TIPIN: variants seen among roughly 807,000 people sequenced by gnomAD.
The protein encoded by TIPIN is TIMELESS-interacting protein.
TIPIN carries 29 observed loss-of-function variants against 35.6 expected under a neutral mutation model. The ratio of observed to expected loss-of-function variants is 0.82; its 90% CI spans 0.61 to 1.11. The LOEUF is 1.11. Among genes scored for constraint, TIPIN ranks in the 50% most tolerant of loss-of-function variants. TIPIN has a pLI of 0.00. For missense variants in TIPIN, 296 were observed against 345.4 expected (o/e 0.86, Z 1.13); for synonymous variants, 102 against 121.5 (o/e 0.84, Z 1.06).
In TIPIN at chr15:66,341,353, T is replaced by G; in HGVS notation, c.479A>C (p.Glu160Ala). 1 of 1,610,056 alleles carries G rather than the reference T, an allele frequency of 6.2e-7. No homozygotes were observed. The highest frequency in any genetic ancestry group is 8.5e-7 in the Non-Finnish European group (1 of 1,177,840). Residue 160 changes from glutamate to alanine, a missense_variant, in exon 7 of 8, where the codon GAA becomes GCA. By Grantham distance (107) the Glu-to-Ala change is moderately radical (BLOSUM62 -1). Coordinates refer to ENST00000261881, the MANE Select transcript of TIPIN (RefSeq NM_017858.3). ...LHEDFVSNNDEVAENNEHDVT... is the reference protein window; with the variant it reads ...LHEDFVSNNDAVAENNEHDVT... The stretch of plus-strand genomic sequence containing the variant: ...ATCATGTTCATTATTCTCCGCAACT[T>G]CATCTGCAATAGAAAAGAAATAGTA...
rs180838448 is a variant in TIPIN at position 66,368,283 on chromosome 15, G to T, written c.-8-15328C>A. On this transcript the variant is annotated intron_variant, in intron 1 of 7. Transcript: ENST00000562124. The stretch of plus-strand genomic sequence containing the variant: ...GCCTATAATCCCAGCACTTTGGGAG[G>T]CCAAGGAGGGAGGATCACTTGAGTT... Among the ~76,000 whole-genome samples, 179 of 151,952 alleles carry T rather than the reference G, an allele frequency of 1.2e-3. 1 individual carries two copies. The highest frequency in any genetic ancestry group is 1.9e-3 in the Non-Finnish European group (130 of 67,988).
chr15:66,368,930 C>A lies in TIPIN; in HGVS notation c.-8-15975G>T, dbSNP rs2093267801. Among the ~76,000 whole-genome samples the A allele has an allele frequency of 2.6e-5, 4 of 152,284 alleles. No individual in the cohort carries two copies. The South Asian group carries it at 8.3e-4, about 32-fold the overall frequency. On this transcript the variant is annotated intron_variant, in intron 1 of 7. Transcript: ENST00000562124. ...CAATCAGATGATGTCCCTGTTCTAA[C>A]CCTAACTAGCTGTGCGACCTTGGAG...
At chr15:66,352,428 A>G (rs2093174439) in intron 2 of TIPIN, among the ~76,000 whole-genome samples, 1 of 152,072 alleles carries the variant, frequency 6.6e-6, no homozygotes, top group East Asian at 1.9e-4. Flanking sequence ...TATCCCGAGT[A>G]CCTGGAAGTA....
intron 6 of TIPIN, among the ~76,000 whole-genome samples, chr15:66,344,399 T>C (rs906719341): frequency 1.3e-5 from 2 of 150,928 alleles, no homozygotes; most frequent in African/African-American, 2.4e-5. Flanking sequence ...ATCACCAACA[T>C]AGCAAGACCT....
chr15:66,347,376 G>C, intron 6 of TIPIN: 1 of 458,790 alleles, frequency 2.2e-6, no homozygotes, highest in Non-Finnish European at 4.4e-6. Context: ...TCCGAGAGCT[G>C]CGCTCCAAGT....
At chr15:66,352,414 T>A (rs2093174347) in intron 2 of TIPIN, among the ~76,000 whole-genome samples, 1 of 152,144 alleles carries the variant, frequency 6.6e-6, no homozygotes, top group Non-Finnish European at 1.5e-5. Flanking sequence ...TTCTTCTGCC[T>A]CAGTATCCCG....
intron 1 of TIPIN, among the ~76,000 whole-genome samples, chr15:66,384,136 A>G (rs144315200): frequency 0.011 from 1,666 of 151,050 alleles, 18 homozygotes; most frequent in South Asian, 0.051. Flanking sequence ...AGCTGGGACT[A>G]CAGGCACCCA....
At chr15:66,338,704 C>G (rs1595781135) in intron 7 of TIPIN, among the ~76,000 whole-genome samples, 1 of 149,924 alleles carries the variant, frequency 6.7e-6, no homozygotes, top group African/African-American at 2.5e-5. Flanking sequence ...GTCCCAGCTA[C>G]TCGGGAGGCT....
chr15:66,356,602 C>T (rs1472447873), intron 1 of TIPIN, 37 bp downstream of exon 1: 2 of 986,524 alleles, frequency 2.0e-6, no homozygotes, highest in Non-Finnish European at 2.4e-6. Flanking sequence ...TCCCCTCTCC[C>T]CGCAAGAACT....
At position 66,352,156 on chromosome 15, in the gene TIPIN, CT is replaced by C; in HGVS notation, c.184del (p.Arg62GlufsTer11). 1 of 1,609,960 alleles carries C rather than the reference CT, an allele frequency of 6.2e-7. No homozygotes were observed. Among genetic ancestry groups the C allele is most frequent in the Non-Finnish European group, 8.5e-7 (1 of 1,178,192 alleles). On this transcript the variant is annotated frameshift_variant, in exon 3 of 8. Transcript: ENST00000261881. LOFTEE classifies it high-confidence loss of function. ...VRVPPKRTVK[R>X]NIPKLDAQRL... ...CTGAGCATCCAGCTTGGGTATATTT[CT>C]TTTAACTGTTCTCTTTGGAGGTACA... is the stretch of plus-strand genomic sequence containing the variant.
At chr15:66,371,140 G>T in intron 1 of TIPIN, 1 of 713,046 alleles carries the variant, frequency 1.4e-6, no homozygotes, top group Non-Finnish European at 1.7e-6. Flanking sequence ...GAGCCCAGGA[G>T]GCAGAGGTTG....
intron 6 of TIPIN, among the ~76,000 whole-genome samples, chr15:66,343,707 G>A (rs1287814367): frequency 2.6e-5 from 4 of 152,080 alleles, no homozygotes; most frequent in African/African-American, 9.7e-5. Flanking sequence ...AAGCATTAGA[G>A]CCACTTATGA....
chr15:66,338,215 A>G (rs2093059306), intron 7 of TIPIN, among the ~76,000 whole-genome samples: 1 of 152,030 alleles, frequency 6.6e-6, no homozygotes, highest in South Asian at 2.1e-4. Context: ...GAGATCAGCA[A>G]CTGCACTCCA....
At chr15:66,347,376 G>A (rs1415382223) in intron 6 of TIPIN, 3 of 458,672 alleles carry the variant, frequency 6.5e-6, no homozygotes, top group Non-Finnish European at 1.3e-5. Context: ...TCCGAGAGCT[G>A]CGCTCCAAGT....
chr15:66,346,114 T>C (rs1332427317), intron 6 of TIPIN, among the ~76,000 whole-genome samples: 1 of 151,994 alleles, frequency 6.6e-6, no homozygotes, highest in East Asian at 1.9e-4. Context: ...GCCAGGCTAA[T>C]TTTTTGTATT....
chr15:66,365,053 A>T (rs75476102), intron 1 of TIPIN, among the ~76,000 whole-genome samples: 29,909 of 151,612 alleles, frequency 0.2, 3,055 homozygotes, highest in East Asian at 0.38. Flanking sequence ...TGTCTTGAAT[A>T]AGAGCTGAAG....
intron 1 of TIPIN, among the ~76,000 whole-genome samples, chr15:66,365,259 G>T (rs2140483137): frequency 6.6e-6 from 1 of 152,012 alleles, no homozygotes. Context: ...ACCTCTGGTT[G>T]TCCTCACTGC....
chr15:66,353,548 G>A (rs565480645), intron 1 of TIPIN, among the ~76,000 whole-genome samples: 1 of 151,180 alleles, frequency 6.6e-6, no homozygotes, highest in East Asian at 1.9e-4. Context: ...TCCAGGAGGC[G>A]GAGCTTGCAG....
rs71139487 is a variant in TIPIN at position 66,375,499 on chromosome 15, T to TTATATATATATATA, written c.-9+11094_-9+11107dup. On this transcript the variant is annotated intron_variant, in intron 1 of 7. Coordinates refer to the TIPIN transcript ENST00000562124. ...CTAATGTTGTTTTTAATTGGAAAAG[T>TTATATATATATATA]TATATATATATATATATATATATAT... 1.1e-3 allele frequency among the ~76,000 whole-genome samples: 144 copies of TTATATATATATATA among 132,824 alleles called. 1 individual carries two copies. The highest frequency in any genetic ancestry group is 4.9e-3 in the South Asian group (19 of 3,860). 87.1% of individuals were successfully genotyped at this position (132,824 alleles called of 152,430 possible).
Sources: allele counts gnomAD v4.1 joint callset (sites outside exome capture counted in the v4.1 genomes callset), GRCh38; gene constraint gnomAD v4.1.1; transcripts MANE v1.5; gene names NCBI Gene and HGNC (gene_info 2026-07-23, HGNC 2026-07-21).